Variants in ESRRG observed in about 807,000 individuals in gnomAD.
ESRRG encodes the protein estrogen related receptor gamma, also known as estrogen-related receptor gamma.
Under a neutral mutation model 44.0 loss-of-function variants are expected in ESRRG, and 13 were observed. The ratio of observed to expected loss-of-function variants is 0.30; its 90% CI spans 0.19 to 0.47. The LOEUF (loss-of-function observed/expected upper bound fraction) is 0.47, where lower values mean the gene tolerates loss of function less well. ESRRG is among the 20% of genes least tolerant of loss of function. The pLI is 1.00. For missense variants in ESRRG, 395 were observed against 580.6 expected (o/e 0.68, Z 3.29); for synonymous variants, 215 against 214.6 (o/e 1.00, Z -0.02).
At chr1:217,006,199 A>AATT (rs1371086893) in intron 1 of ESRRG, among the ~76,000 whole-genome samples, 1 of 152,170 alleles carries the variant, frequency 6.6e-6, no homozygotes, top group African/African-American at 2.4e-5. Flanking sequence ...AAGTTATGCT[A>AATT]AGAATGAATT....
chr1:216,750,980 A>T (rs1348810667), intron 2 of ESRRG, among the ~76,000 whole-genome samples: 1 of 152,170 alleles, frequency 6.6e-6, no homozygotes, highest in Non-Finnish European at 1.5e-5. Flanking sequence ...ATGGTTCATA[A>T]GAACATAAAA....
At chr1:216,728,397 C>G (rs1289875162), upstream of ESRRG, among the ~76,000 whole-genome samples, 1 of 151,612 alleles carries the variant, frequency 6.6e-6, no homozygotes, top group African/African-American at 2.4e-5. Flanking sequence ...AACAGTAAAC[C>G]TAAGAGAGGA....
chr1:216,983,715 T>C (rs2074388246), intron 1 of ESRRG, among the ~76,000 whole-genome samples: 1 of 145,676 alleles, frequency 6.9e-6, no homozygotes, highest in Non-Finnish European at 1.5e-5. Context: ...TGTGTGTGTG[T>C]GTGTGTAAAC....
chr1:216,588,129 C>T (rs574923450), intron 3 of ESRRG, among the ~76,000 whole-genome samples: 4 of 152,108 alleles, frequency 2.6e-5, no homozygotes, highest in Non-Finnish European at 5.9e-5. Flanking sequence ...TTATGTGAAC[C>T]AATATCAATA....
chr1:216,625,079 C>T (rs547648549), intron 3 of ESRRG, among the ~76,000 whole-genome samples: 3 of 152,210 alleles, frequency 2.0e-5, no homozygotes, highest in South Asian at 4.1e-4. Flanking sequence ...ATGCTACCAC[C>T]CTCAGACAGT....
chr1:217,060,863 T>C lies in ESRRG; in HGVS notation c.-106+28644A>G, dbSNP rs374595091. On this transcript the variant is annotated intron_variant, in intron 1 of 7. Transcript: ENST00000359162. ...GGGAATAAATGCCTCTGAGAATTCC[T>C]AGTGCCTGAAAGCTCAAAACAAATG... Among the ~76,000 whole-genome samples, 244 of 143,592 alleles carry C rather than the reference T, an allele frequency of 1.7e-3. 5 individuals carry two copies. In the South Asian group the frequency reaches 0.03, roughly 17 times the overall value. The allele number at this position is 143,592 out of a possible 152,430, so 94.2% of individuals were successfully genotyped here. A position where few individuals can be genotyped will look rare whatever the true frequency, so the allele number is the denominator to read the frequency against.
At position 216,564,344 on chromosome 1, in the gene ESRRG, G is replaced by A. The variant is rs763664788; in HGVS notation, c.737C>T (p.Pro246Leu). 1 of 1,610,402 alleles carries A rather than the reference G, an allele frequency of 6.2e-7. No individual in the cohort carries two copies. The highest frequency in any genetic ancestry group is 8.5e-7 in the Non-Finnish European group (1 of 1,177,986). ...GTCAGGCATGGCATAGATCTTCTCC[G>A]GTTCAGCCACCAACAAATGTGAGAC... ...KIVSHLLVAE[P>L]EKIYAMPDPT... Residue 246 changes from proline (P) to leucine (L), a missense_variant, in exon 5 of 7, where the codon CCG becomes CTG. Transcript: ENST00000408911.
rs1486417484 is a variant in ESRRG at position 216,650,955 on chromosome 1, A to C, written c.589+18T>G. The C allele has an allele frequency of 6.7e-7, 1 of 1,493,492 alleles. No individual in the cohort carries two copies. Among genetic ancestry groups the C allele is most frequent in the Non-Finnish European group, 9.3e-7 (1 of 1,070,290 alleles). The allele number at this position is 1,493,492 out of a possible 1,614,324, so 92.5% of individuals were successfully genotyped here. On this transcript the variant is annotated intron_variant, in intron 3 of 6. Coordinates refer to ENST00000408911, the MANE Select transcript of ESRRG (RefSeq NM_001438.4). The stretch of plus-strand genomic sequence containing the variant: ...ACAGCAAAATCAAAACCTCAGGGGC[A>C]CTAGCAAAGAGCCTTACCTTCTTTC...
chr1:216,691,405 A>G (rs977499828), intron 1 of ESRRG, among the ~76,000 whole-genome samples: 3 of 152,194 alleles, frequency 2.0e-5, no homozygotes, highest in Non-Finnish European at 4.4e-5. Context: ...GAAAACTTGC[A>G]TAGCAACTGG....
At chr1:216,774,798 CTT>C (rs58598227) in intron 2 of ESRRG, among the ~76,000 whole-genome samples, 3 of 110,834 alleles carry the variant, frequency 2.7e-5, no homozygotes. Context: ...ATAATTTCTT[CTT>C]TTTTTTTTTT....
At chr1:216,969,567 T>C (rs2071204136) in intron 1 of ESRRG, among the ~76,000 whole-genome samples, 1 of 152,148 alleles carries the variant, frequency 6.6e-6, no homozygotes. Context: ...CATTTTGGAC[T>C]ATTGGCCCTT....
At chr1:217,014,560 T>C (rs2079078177) in intron 1 of ESRRG, among the ~76,000 whole-genome samples, 1 of 152,138 alleles carries the variant, frequency 6.6e-6, no homozygotes, top group African/African-American at 2.4e-5. Flanking sequence ...CTCTATAAAA[T>C]CATACAGGTA....
At chr1:216,821,199 C>A (rs764496224) in intron 2 of ESRRG, among the ~76,000 whole-genome samples, 17 of 152,168 alleles carry the variant, frequency 1.1e-4, no homozygotes, top group Non-Finnish European at 1.9e-4. Flanking sequence ...TCCCTCCTTC[C>A]AGGACAAATG....
At chr1:217,046,869 G>C (rs1368639767) in intron 1 of ESRRG, among the ~76,000 whole-genome samples, 1 of 150,908 alleles carries the variant, frequency 6.6e-6, no homozygotes, top group African/African-American at 2.4e-5. Context: ...AGCAACAGTG[G>C]TGAGATCCTG....
chr1:216,648,022 A>G (rs2068025312), intron 3 of ESRRG, among the ~76,000 whole-genome samples: 1 of 152,200 alleles, frequency 6.6e-6, no homozygotes, highest in South Asian at 2.1e-4. Flanking sequence ...AGCAAATTTT[A>G]TTACAGACTG....
chr1:216,752,878 T>G (rs2152303592), intron 2 of ESRRG, among the ~76,000 whole-genome samples: 1 of 152,172 alleles, frequency 6.6e-6, no homozygotes, highest in East Asian at 1.9e-4. Flanking sequence ...ATTGGACTGT[T>G]GGGAGAATTA....
intron 1 of ESRRG, among the ~76,000 whole-genome samples, chr1:217,038,126 G>A (rs1388001231): frequency 6.6e-6 from 1 of 152,166 alleles, no homozygotes; most frequent in Non-Finnish European, 1.5e-5. Flanking sequence ...TCTGAGGCCT[G>A]GAGGATGGTG....
chr1:216,942,667 T>C (rs1040071419), intron 1 of ESRRG, among the ~76,000 whole-genome samples: 2 of 152,170 alleles, frequency 1.3e-5, no homozygotes, highest in Admixed American at 6.5e-5. Context: ...TAATTAGTGA[T>C]GTTGAGCATT....
intron 2 of ESRRG, among the ~76,000 whole-genome samples, chr1:216,793,220 G>A (rs192242620): frequency 1.3e-5 from 2 of 152,092 alleles, no homozygotes; most frequent in Non-Finnish European, 2.9e-5. Context: ...ATGGATGACT[G>A]GGGTAGTAAG....
Sources: gnomAD v4.1 joint callset for allele counts (sites outside exome capture counted in the v4.1 genomes callset) on GRCh38, gnomAD v4.1.1 for gene constraint, MANE v1.5 for transcripts, NCBI Gene and HGNC (gene_info 2026-07-23, HGNC 2026-07-21) for gene names.